ANGPT1: variants seen among roughly 807,000 people sequenced by gnomAD.
ANGPT1 encodes angiopoietin-1.
In ANGPT1, 17 loss-of-function variants were observed where a neutral mutation model predicts 62.2. The observed-to-expected ratio is 0.27, with a 90% confidence interval of 0.19 to 0.41. The LOEUF is 0.41. Among genes scored for constraint, ANGPT1 ranks in the 10% least tolerant of loss-of-function variants. The probability of loss-of-function intolerance (pLI) is 1.00; values close to 1 mark genes in which losing one functional copy is unlikely to be tolerated. For missense variants in ANGPT1, 478 were observed against 594.9 expected (o/e 0.80, Z 2.04); for synonymous variants, 199 against 198.9 (o/e 1.00, Z 0.00).
At chr8:107,323,791 CAG>C (rs1328984334) in intron 3 of ANGPT1, among the ~76,000 whole-genome samples, 1 of 152,034 alleles carries the variant, frequency 6.6e-6, no homozygotes, top group East Asian at 1.9e-4. Flanking sequence ...TGTTTTAAGA[CAG>C]AGTCTTGCTC....
intron 8 of ANGPT1, among the ~76,000 whole-genome samples, chr8:107,259,609 C>A (rs963056807): frequency 6.6e-6 from 1 of 151,986 alleles, no homozygotes; most frequent in Admixed American, 6.6e-5. Context: ...ATATTATGTA[C>A]TAAATATGGA....
At chr8:107,304,370 TTTTA>T (rs1207394654) in intron 4 of ANGPT1, among the ~76,000 whole-genome samples, 2 of 151,720 alleles carry the variant, frequency 1.3e-5, no homozygotes, top group Non-Finnish European at 2.9e-5. Flanking sequence ...TAGTAATTGG[TTTTA>T]TTTAACCTTT....
chr8:107,299,292 T>C (rs1035420655), intron 5 of ANGPT1, among the ~76,000 whole-genome samples: 3 of 150,116 alleles, frequency 2.0e-5, no homozygotes, highest in Non-Finnish European at 4.5e-5. Context: ...CAATATTCAA[T>C]ATTTGCTAAG....
At chr8:107,431,539 A>T (rs753439097) in intron 1 of ANGPT1, among the ~76,000 whole-genome samples, 1 of 152,168 alleles carries the variant, frequency 6.6e-6, no homozygotes, top group South Asian at 2.1e-4. Flanking sequence ...CACAGGCCAC[A>T]TGCCCTCTTC....
intron 1 of ANGPT1, among the ~76,000 whole-genome samples, chr8:107,482,747 C>T (rs1446235488): frequency 1.3e-5 from 2 of 152,106 alleles, no homozygotes; most frequent in Non-Finnish European, 2.9e-5. Context: ...CTTTATTACT[C>T]AAATATGGTG....
chr8:107,445,958 C>G (rs753690509), intron 1 of ANGPT1, among the ~76,000 whole-genome samples: 20 of 152,220 alleles, frequency 1.3e-4, no homozygotes, highest in Non-Finnish European at 1.9e-4. Context: ...AGCTCTGTCA[C>G]CCAGGCTGGA....
At chr8:107,470,226 T>A (rs964402537) in intron 1 of ANGPT1, among the ~76,000 whole-genome samples, 4 of 152,068 alleles carry the variant, frequency 2.6e-5, no homozygotes, top group Non-Finnish European at 5.9e-5. Flanking sequence ...CTTTTAATGA[T>A]TGACAAAGGA....
intron 1 of ANGPT1, among the ~76,000 whole-genome samples, chr8:107,397,653 G>A (rs574887314): frequency 2.8e-4 from 42 of 152,228 alleles, no homozygotes; most frequent in African/African-American, 7.5e-4. Flanking sequence ...GGGGAGACCG[G>A]GGAAGGTGGT....
At chr8:107,360,540 A>T (rs1235977171) in intron 1 of ANGPT1, among the ~76,000 whole-genome samples, 1 of 152,204 alleles carries the variant, frequency 6.6e-6, no homozygotes, top group Non-Finnish European at 1.5e-5. Context: ...AAACAGCCAA[A>T]GTGTTTTGTT....
At chr8:107,267,535 T>C (rs1359314007) in intron 7 of ANGPT1, among the ~76,000 whole-genome samples, 1 of 152,134 alleles carries the variant, frequency 6.6e-6, no homozygotes, top group East Asian at 1.9e-4. Context: ...GTTTCTAGTC[T>C]TGGCAGTTCT....
intron 1 of ANGPT1, among the ~76,000 whole-genome samples, chr8:107,376,538 TTTTG>T (rs1227644080): frequency 4.0e-5 from 6 of 151,698 alleles, no homozygotes. Flanking sequence ...GTTTGTTTGT[TTTTG>T]TTTTTTTGTG....
chr8:107,261,217 T>C (rs1813482315), intron 8 of ANGPT1, among the ~76,000 whole-genome samples: 2 of 151,970 alleles, frequency 1.3e-5, no homozygotes, highest in South Asian at 4.2e-4. Flanking sequence ...AGGGAAGTAA[T>C]AAAAATAAAA....
intron 1 of ANGPT1, among the ~76,000 whole-genome samples, chr8:107,453,940 A>G (rs1333338506): frequency 6.6e-6 from 1 of 152,070 alleles, no homozygotes; most frequent in Non-Finnish European, 1.5e-5. Flanking sequence ...GTGAAGAAAA[A>G]TACCTGGGAG....
chr8:107,359,901 A>G (rs974199505), intron 1 of ANGPT1, among the ~76,000 whole-genome samples: 3 of 152,270 alleles, frequency 2.0e-5, no homozygotes, highest in Admixed American at 6.5e-5. Flanking sequence ...TCAATTTTAT[A>G]CCCAGAAATA....
chr8:107,324,758 C>G (rs543505358), intron 3 of ANGPT1, among the ~76,000 whole-genome samples: 2 of 152,232 alleles, frequency 1.3e-5, no homozygotes, highest in African/African-American at 4.8e-5. Context: ...TTTATAATAC[C>G]TTTAGTAGTG....
rs1238986841 is a variant in ANGPT1 at position 107,383,322 on chromosome 8, G to T, written c.298-36225C>A. 2.0e-5 allele frequency among the ~76,000 whole-genome samples: 3 copies of T among 152,288 alleles called. No individual in the cohort carries two copies. In the East Asian group the frequency reaches 5.8e-4, roughly 29 times the overall value. ...CCAAGAAAGGGCTGGATGTACACCT[G>T]AAACTGAAATTGCTGGGGAGAACCT... On this transcript the variant is annotated intron_variant, in intron 1 of 8. Transcript: ENST00000517746.
At position 107,424,587 on chromosome 8, in the gene ANGPT1, C is replaced by A. The variant is rs568252253; in HGVS notation, c.297+72675G>T. 1.2e-4 allele frequency among the ~76,000 whole-genome samples: 19 copies of A among 152,276 alleles called. No homozygotes were observed. In the East Asian group the frequency reaches 3.7e-3, roughly 29 times the overall value. On this transcript the variant is annotated intron_variant, in intron 1 of 8. Coordinates refer to ENST00000517746, the MANE Select transcript of ANGPT1 (RefSeq NM_001146.5). The stretch of plus-strand genomic sequence containing the variant: ...TGGCCATGTTATTCCCCTCCTGAGA[C>A]CACACAGGACCTAAGCATAACACAT...
chr8:107,364,846 G>A (rs201892842), intron 1 of ANGPT1, among the ~76,000 whole-genome samples: 1 of 152,198 alleles, frequency 6.6e-6, no homozygotes, highest in East Asian at 1.9e-4. Context: ...AGACCACAAA[G>A]TGCTAGGCCA....
chr8:107,415,122 G>T (rs542337417), intron 1 of ANGPT1, among the ~76,000 whole-genome samples: 2 of 152,272 alleles, frequency 1.3e-5, no homozygotes, highest in East Asian at 1.9e-4. Context: ...ACGATTTAAA[G>T]ATATCTTGTA....
Sources: gnomAD v4.1 joint callset for allele counts (sites outside exome capture counted in the v4.1 genomes callset) on GRCh38, gnomAD v4.1.1 for gene constraint, MANE v1.5 for transcripts, NCBI Gene and HGNC (gene_info 2026-07-23, HGNC 2026-07-21) for gene names.